Variants in FOXP1 observed in about 807,000 individuals in gnomAD.
FOXP1 encodes the protein forkhead box protein P1.
Under a neutral mutation model 98.2 loss-of-function variants are expected in FOXP1, and 15 were observed. The observed-to-expected ratio is 0.15, with a 90% CI of 0.10 to 0.24. The LOEUF is 0.24. Among genes scored for constraint, FOXP1 ranks in the 10% least tolerant of loss-of-function variants. The pLI is 1.00. For synonymous variants in FOXP1, 371 were observed against 314.5 expected, an observed-to-expected ratio of 1.18 and a Z score of -1.90; for missense variants, 633 against 848.5, an observed-to-expected ratio of 0.75 and a Z score of 3.15.
intron 2 of FOXP1, among the ~76,000 whole-genome samples, chr3:71,547,532 A>T (rs553622298): frequency 6.6e-6 from 1 of 152,192 alleles, no homozygotes; most frequent in Non-Finnish European, 1.5e-5. Context: ...TAGGGAACCA[A>T]TGTCACCCAG....
intron 6 of FOXP1, among the ~76,000 whole-genome samples, chr3:71,121,583 G>A (rs1398347857): frequency 2.0e-5 from 3 of 152,000 alleles, no homozygotes; most frequent in Non-Finnish European, 4.4e-5. Context: ...AGTGCCAGAC[G>A]CTGAATCACT....
intron 6 of FOXP1, among the ~76,000 whole-genome samples, chr3:71,121,381 G>T (rs183885313): frequency 5.3e-5 from 8 of 149,912 alleles, no homozygotes; most frequent in South Asian, 4.2e-4. Context: ...AAAAAAAAAG[G>T]GGGGGGGGAT....
intron 5 of FOXP1, among the ~76,000 whole-genome samples, chr3:71,272,678 G>A (rs2070485449): frequency 6.6e-6 from 1 of 152,038 alleles, no homozygotes; most frequent in Non-Finnish European, 1.5e-5. Flanking sequence ...ATGTCACTGG[G>A]CTGCAGTCAA....
intron 2 of FOXP1, among the ~76,000 whole-genome samples, chr3:71,517,268 G>C (rs1003049062): frequency 3.9e-5 from 6 of 152,102 alleles, no homozygotes; most frequent in Admixed American, 2.0e-4. Context: ...AGTCCATACA[G>C]ATTCACAGCA....
intron 12 of FOXP1, among the ~76,000 whole-genome samples, chr3:71,015,141 A>T (rs964653790): frequency 1.3e-5 from 2 of 149,548 alleles, no homozygotes; most frequent in African/African-American, 4.9e-5. Context: ...GTATAATTTA[A>T]AAAAAAAAAG....
chr3:71,182,022 G>A (rs1576252055), intron 6 of FOXP1, among the ~76,000 whole-genome samples: 1 of 136,074 alleles, frequency 7.3e-6, no homozygotes, highest in Non-Finnish European at 1.5e-5. Context: ...GTGACAGAGC[G>A]AGACTCCATC....
At chr3:71,364,859 C>T (rs558203367) in intron 3 of FOXP1, among the ~76,000 whole-genome samples, 175 of 152,314 alleles carry the variant, frequency 1.1e-3, no homozygotes, top group Middle Eastern at 3.4e-3. Flanking sequence ...ATGTTTTAAA[C>T]ATTTTTACAT....
chr3:71,182,882 C>G (rs558234989), intron 6 of FOXP1, among the ~76,000 whole-genome samples: 1 of 144,990 alleles, frequency 6.9e-6, no homozygotes, highest in Non-Finnish European at 1.5e-5. Context: ...CATTAACAGA[C>G]CCCCCCAAAA....
chr3:71,052,996 T>C (rs1040783781), intron 8 of FOXP1, among the ~76,000 whole-genome samples: 7 of 152,156 alleles, frequency 4.6e-5, no homozygotes, highest in Non-Finnish European at 8.8e-5. Context: ...ATTCAGTGTG[T>C]GCATGGACAG....
chr3:70,990,767 G>T (rs1484789648), intron 13 of FOXP1, among the ~76,000 whole-genome samples: 1 of 152,204 alleles, frequency 6.6e-6, no homozygotes, highest in African/African-American at 2.4e-5. Flanking sequence ...AGCTGCTTGT[G>T]CAGGGGTCAT....
chr3:71,414,105 A>C (rs985186457), intron 3 of FOXP1, among the ~76,000 whole-genome samples: 3 of 151,906 alleles, frequency 2.0e-5, no homozygotes, highest in Non-Finnish European at 4.4e-5. Flanking sequence ...ACCGAGAAGC[A>C]CCCCAACTCT....
intron 14 of FOXP1, among the ~76,000 whole-genome samples, chr3:70,986,282 C>T (rs2039718999): frequency 6.6e-6 from 1 of 152,176 alleles, no homozygotes; most frequent in Non-Finnish European, 1.5e-5. Context: ...ACACCCAGCC[C>T]GGTCACTCGC....
At chr3:71,213,434 G>C (rs1033967247) in intron 5 of FOXP1, among the ~76,000 whole-genome samples, 1 of 152,192 alleles carries the variant, frequency 6.6e-6, no homozygotes, top group Non-Finnish European at 1.5e-5. Flanking sequence ...ATAAAGAACT[G>C]TATCTGAAAG....
At chr3:71,235,091 T>C (rs996986626) in intron 5 of FOXP1, among the ~76,000 whole-genome samples, 1 of 151,530 alleles carries the variant, frequency 6.6e-6, no homozygotes, top group Non-Finnish European at 1.5e-5. Context: ...ATAATTTCCA[T>C]GTGCTCATTC....
At chr3:71,266,740 G>C (rs2107245831) in intron 5 of FOXP1, among the ~76,000 whole-genome samples, 1 of 152,100 alleles carries the variant, frequency 6.6e-6, no homozygotes, top group South Asian at 2.1e-4. Flanking sequence ...CCCTTTTTGG[G>C]GTCTCCAGTG....
chr3:71,088,321 G>A (rs749163968), intron 7 of FOXP1, among the ~76,000 whole-genome samples: 1 of 152,052 alleles, frequency 6.6e-6, no homozygotes, highest in Non-Finnish European at 1.5e-5. Context: ...TCATCACCAC[G>A]GTGTTTATCT....
At chr3:71,391,075 T>G (rs915566156) in intron 3 of FOXP1, among the ~76,000 whole-genome samples, 5 of 152,208 alleles carry the variant, frequency 3.3e-5, no homozygotes, top group African/African-American at 9.6e-5. Context: ...TCCAAACATG[T>G]ATATGAAGGA....
chr3:71,502,179 C>G (rs1577882269), intron 2 of FOXP1, among the ~76,000 whole-genome samples: 1 of 152,206 alleles, frequency 6.6e-6, no homozygotes, highest in African/African-American at 2.4e-5. Flanking sequence ...AAAACACAAA[C>G]CTTCCGTTCC....
rs571610745 is a variant in FOXP1, at chr3:71,460,589, G to T, written c.-168+32837C>A. ...GTAGCTGGGACTACAGGTGCACACC[G>T]CCAGGCTTGGCTAACTTTTTTTGTA... On this transcript the variant is annotated intron_variant, in intron 3 of 20. Coordinates refer to ENST00000649528, the MANE Select transcript of FOXP1 (RefSeq NM_001349338.3). Among the ~76,000 whole-genome samples the T allele has an allele frequency of 3.2e-4, 48 of 152,042 alleles. No individual in the cohort carries two copies. The South Asian group carries it at 9.9e-3, about 31-fold the overall frequency.
Sources: gnomAD v4.1 joint callset for allele counts (sites outside exome capture counted in the v4.1 genomes callset) on GRCh38, gnomAD v4.1.1 for gene constraint, MANE v1.5 for transcripts, NCBI Gene and HGNC (gene_info 2026-07-23, HGNC 2026-07-21) for gene names.